Variants in ATP13A4 observed in about 807,000 individuals in gnomAD.
The protein encoded by ATP13A4 is probable cation-transporting ATPase 13A4.
ATP13A4 carries 114 observed loss-of-function variants against 142.5 expected under a neutral mutation model. The observed-to-expected ratio is 0.80, with a 90% CI of 0.69 to 0.93. The LOEUF (loss-of-function observed/expected upper bound fraction) is 0.93, where lower values mean the gene tolerates loss of function less well. ATP13A4 is among the 40% of genes least tolerant of loss of function. The probability of loss-of-function intolerance (pLI) is 0.00; values close to 1 mark genes in which losing one functional copy is unlikely to be tolerated. For missense variants in ATP13A4, 1,392 were observed against 1,454.0 expected (o/e 0.96, Z 0.69); for synonymous variants, 488 against 514.8 (o/e 0.95, Z 0.70).
chr3:193,450,572 G>C (rs923569695), intron 17 of ATP13A4, among the ~76,000 whole-genome samples: 1 of 152,174 alleles, frequency 6.6e-6, no homozygotes, highest in African/African-American at 2.4e-5. Flanking sequence ...ATTGGAGAAG[G>C]CTTGCTGTAG....
At chr3:193,528,165 G>C (rs1178162265) in intron 1 of ATP13A4, among the ~76,000 whole-genome samples, 2 of 152,186 alleles carry the variant, frequency 1.3e-5, no homozygotes, top group Non-Finnish European at 2.9e-5. Flanking sequence ...AGAACTGTCA[G>C]AGCGTCCTCT....
intron 1 of ATP13A4, among the ~76,000 whole-genome samples, chr3:193,554,077 C>A (rs1406517957): frequency 6.6e-6 from 1 of 152,186 alleles, no homozygotes; most frequent in Non-Finnish European, 1.5e-5. Context: ...TCATCCTGAG[C>A]ATGAAAGTCA....
At chr3:193,485,345 G>A (rs1340507639) in intron 7 of ATP13A4, among the ~76,000 whole-genome samples, 3 of 152,148 alleles carry the variant, frequency 2.0e-5, no homozygotes, top group Admixed American at 6.5e-5. Context: ...TACAGGTGGA[G>A]CAGCAGTCCT....
At chr3:193,563,292 G>T (rs1471037107) in intron 2 of ATP13A4, among the ~76,000 whole-genome samples, 2 of 152,064 alleles carry the variant, frequency 1.3e-5, no homozygotes, top group Non-Finnish European at 2.9e-5. Flanking sequence ...TGCAGAGAAG[G>T]CCTGGCTAAC....
At chr3:193,437,825 A>ATTT (rs372139378) in intron 23 of ATP13A4, among the ~76,000 whole-genome samples, 1,188 of 102,906 alleles carry the variant, frequency 0.012, 22 homozygotes, top group African/African-American at 0.021. Flanking sequence ...GCCAATAAAG[A>ATTT]TTTTTTTTTT....
intron 23 of ATP13A4, 48 bp downstream of exon 23, chr3:193,438,427 C>T (rs748684829): frequency 6.8e-5 from 98 of 1,440,700 alleles, no homozygotes; most frequent in Non-Finnish European, 9.5e-5. Flanking sequence ...GTGATTTGCA[C>T]CAGAAGTCAA....
chr3:193,484,118 G>A, intron 7 of ATP13A4, 113 bp from the exon 8 acceptor site: 1 of 883,664 alleles, frequency 1.1e-6, no homozygotes, highest in Non-Finnish European at 1.9e-6. Context: ...CCAGTTGAAT[G>A]GAATGTACTG....
chr3:193,465,920 T>C, intron 11 of ATP13A4, 105 bp downstream of exon 11: 4 of 1,449,424 alleles, frequency 2.8e-6, no homozygotes, highest in Non-Finnish European at 3.8e-6. Flanking sequence ...TTGGTTTTGT[T>C]TCCCAGGTTT....
chr3:193,434,548 G>T (rs890375836), intron 24 of ATP13A4, among the ~76,000 whole-genome samples: 2 of 152,084 alleles, frequency 1.3e-5, no homozygotes, highest in African/African-American at 2.4e-5. Flanking sequence ...CTAAAATAGA[G>T]GCCAATTTCC....
intron 28 of ATP13A4, 53 bp downstream of exon 28, chr3:193,410,929 T>G: frequency 1.7e-6 from 2 of 1,186,480 alleles, no homozygotes; most frequent in Non-Finnish European, 2.5e-6. Context: ...CTTTTTAAAG[T>G]TAAACTGTTA....
At chr3:193,460,701 C>T (rs187222740) in intron 13 of ATP13A4, among the ~76,000 whole-genome samples, 28 of 152,316 alleles carry the variant, frequency 1.8e-4, no homozygotes, top group Admixed American at 3.9e-4. Context: ...TACTATGAGA[C>T]GTACACTGTC....
At position 193,502,425 on chromosome 3, in the gene ATP13A4, T is replaced by G. The variant is rs1253927459; in HGVS notation, c.381+68A>C. On this transcript the variant is annotated intron_variant, in intron 3 of 29. Coordinates refer to ENST00000342695, the MANE Select transcript of ATP13A4 (RefSeq NM_032279.4). ...ATTGGCACAGTAGAGGAGCTACATT[T>G]AACTATATACTTGAGGGGAAAAAGA... The G allele has an allele frequency of 1.9e-5, 29 of 1,546,940 alleles. 2 individuals are homozygous for G. The South Asian group carries it at 3.1e-4, about 17-fold the overall frequency.
chr3:193,526,564 T>C (rs1048976310), intron 1 of ATP13A4, among the ~76,000 whole-genome samples: 2 of 152,164 alleles, frequency 1.3e-5, no homozygotes, highest in African/African-American at 4.8e-5. Flanking sequence ...GGCACACGTA[T>C]ATCTACATAA....
intron 16 of ATP13A4, among the ~76,000 whole-genome samples, chr3:193,456,228 T>C (rs1344019600): frequency 6.6e-6 from 1 of 152,072 alleles, no homozygotes; most frequent in Non-Finnish European, 1.5e-5. Flanking sequence ...GCTCTAAGGA[T>C]TTCTGTCTAA....
At position 193,582,668 on chromosome 3, in the gene ATP13A4, A is replaced by G. The variant is rs531322437; in HGVS notation, n.92-762T>C. ...TGTATATTACATACATTATATATGT[A>G]TATTACATATATATTATATATGTGT... On this transcript the variant is annotated intron_variant and non_coding_transcript_variant, in intron 1 of 3. Transcript: ENST00000489140. Among the ~76,000 whole-genome samples, 89 of 76,644 alleles carry G rather than the reference A, an allele frequency of 1.2e-3. 15 individuals are homozygous for G. Among genetic ancestry groups the G allele is most frequent in the East Asian group, 8.0e-3 (27 of 3,378 alleles). The allele number at this position is 76,644 out of a possible 152,430, so 50.3% of individuals were successfully genotyped here.
At chr3:193,491,223 C>G in intron 6 of ATP13A4, 106 bp downstream of exon 6, 1 of 866,406 alleles carries the variant, frequency 1.2e-6, no homozygotes. Flanking sequence ...TCAAAATATA[C>G]TCTATGTGAA....
intron 2 of ATP13A4, among the ~76,000 whole-genome samples, chr3:193,566,475 C>T (rs1234000167): frequency 3.9e-5 from 6 of 152,228 alleles, no homozygotes; most frequent in East Asian, 1.9e-4. Context: ...GTATGCAGCC[C>T]GGAACCTTCT....
intron 8 of ATP13A4, among the ~76,000 whole-genome samples, chr3:193,475,098 T>C (rs889368934): frequency 6.6e-6 from 1 of 152,116 alleles, no homozygotes; most frequent in African/African-American, 2.4e-5. Context: ...AATATTTTTC[T>C]AGCAAAAGTA....
At chr3:193,539,178 T>C (rs1290623876) in intron 1 of ATP13A4, among the ~76,000 whole-genome samples, 1 of 152,066 alleles carries the variant, frequency 6.6e-6, no homozygotes, top group Non-Finnish European at 1.5e-5. Context: ...CGGCCATAGG[T>C]GGCTATTTTT....
Sources: gnomAD v4.1 joint callset for allele counts (sites outside exome capture counted in the v4.1 genomes callset) on GRCh38, gnomAD v4.1.1 for gene constraint, MANE v1.5 for transcripts, NCBI Gene and HGNC (gene_info 2026-07-23, HGNC 2026-07-21) for gene names.